CDC34: variants seen among roughly 807,000 people sequenced by gnomAD.
CDC34 encodes the protein cell division cycle 34, ubiquitin conjugating enzyme.
In CDC34, 18 loss-of-function variants were observed where a neutral mutation model predicts 26.8. The observed-to-expected ratio is 0.67, with a 90% CI of 0.47 to 1.00. The LOEUF (loss-of-function observed/expected upper bound fraction) is 1.00, where lower values mean the gene tolerates loss of function less well. Ranked by LOEUF, CDC34 falls within the 50% of genes least tolerant of loss-of-function variation. The pLI is 0.00. For synonymous variants in CDC34, 178 were observed against 147.5 expected, an observed-to-expected ratio of 1.21 and a Z score of -1.50; for missense variants, 280 against 334.5, an observed-to-expected ratio of 0.84 and a Z score of 1.27.
intron 4 of CDC34, chr19:539,058 T>C (rs1979894010): frequency 1.6e-5 from 15 of 959,616 alleles, no homozygotes; most frequent in Non-Finnish European, 1.9e-5. Flanking sequence ...CCAACACACA[T>C]GTGCCATGTG....
Position 539,219 on chromosome 19 carries a change from A to ACCGT in CDC34, c.497+2075_497+2078dup. On this transcript the variant is annotated intron_variant, in intron 4 of 4. Coordinates refer to ENST00000215574, the MANE Select transcript of CDC34 (RefSeq NM_004359.2). ...TGGTCTTGCTGAACAGGACCTCCAG[A>ACCGT]CCGTCCTCCAGCTCATGCTGGCGGT... Among the ~76,000 whole-genome samples, 3 of 152,064 alleles carry ACCGT rather than the reference A, an allele frequency of 2.0e-5. No homozygotes were observed. The South Asian group carries it at 6.2e-4, about 32-fold the overall frequency.
In CDC34 at chr19:541,722, GAA is replaced by G. The variant is rs1980027987; in HGVS notation, c.*171_*172del. 1.5e-6 allele frequency: 1 copy of G among 684,912 alleles called. No individual in the cohort carries two copies. Among genetic ancestry groups the G allele is most frequent in the Admixed American group, 3.7e-5 (1 of 26,836 alleles). The allele number at this position is 684,912 out of a possible 1,614,324, so 42.4% of individuals were successfully genotyped here. ...GTTCTGGGTTTTCACGTGCTTCAGA[GAA>G]GAGGGGCTGCCCCACCGCCACTCAC... is the stretch of plus-strand genomic sequence containing the variant. On this transcript the variant is annotated 3_prime_UTR_variant, in exon 5 of 5. Transcript: ENST00000215574.
At chr19:532,193 G>C in intron 1 of CDC34, 85 bp downstream of exon 1, 1 of 1,161,616 alleles carries the variant, frequency 8.6e-7, no homozygotes, top group Non-Finnish European at 1.2e-6. Flanking sequence ...CGCGGTCCTA[G>C]CGCTGTTGCT....
chr19:537,171 G>C, intron 4 of CDC34, 24 bp downstream of exon 4: 3 of 1,610,874 alleles, frequency 1.9e-6, no homozygotes, highest in Non-Finnish European at 2.5e-6. Context: ...GGGGCGTCAC[G>C]GGAGGAGAGA....
At chr19:535,754 G>A (rs1351720612) in intron 1 of CDC34, 83 bp from the exon 2 acceptor site, 3 of 1,029,036 alleles carry the variant, frequency 2.9e-6, no homozygotes, top group African/African-American at 3.1e-5. Flanking sequence ...AGCACTGGGA[G>A]TGGGATGGCC....
intron 4 of CDC34, among the ~76,000 whole-genome samples, chr19:537,743 C>T (rs975148781): frequency 2.0e-5 from 3 of 148,418 alleles, no homozygotes; most frequent in Non-Finnish European, 3.0e-5. Flanking sequence ...GCAGCCTCCA[C>T]TACTCGGGTT....
chr19:537,060 T>C lies in CDC34; in HGVS notation c.410T>C (p.Phe137Ser), dbSNP rs745378933. 2 of 1,613,886 alleles carry C rather than the reference T, an allele frequency of 1.2e-6. No homozygotes were observed. The highest frequency in any genetic ancestry group is 1.7e-6 in the Non-Finnish European group (2 of 1,180,008). ...VISLLNEPNT[F>S]SPANVDASVM... The stretch of plus-strand genomic sequence containing the variant: ...TCCCTCCTGAACGAGCCCAACACCT[T>C]CTCGCCCGCAAACGTGGACGCCTCC... Residue 137 changes from phenylalanine to serine, a missense_variant, in exon 4 of 5, where the codon TTC becomes TCC. Transcript: ENST00000215574.
intron 1 of CDC34, among the ~76,000 whole-genome samples, chr19:535,047 C>T (rs1003139724): frequency 2.2e-4 from 33 of 152,350 alleles, no homozygotes; most frequent in Middle Eastern, 3.4e-3. Context: ...AGTGAGGCTT[C>T]CTTGTTTACC....
intron 3 of CDC34, 98 bp downstream of exon 3, chr19:536,438 C>A (rs1979756140): frequency 1.1e-6 from 1 of 889,334 alleles, no homozygotes. Context: ...GGCTCCCCCA[C>A]AGGCTGTGGC....
At chr19:536,851 C>T (rs1166946425) in intron 3 of CDC34, 162 bp from the exon 4 acceptor site, 1 of 730,848 alleles carries the variant, frequency 1.4e-6, no homozygotes, top group Non-Finnish European at 2.3e-6. Context: ...GCAGGTCCAG[C>T]CCCTGCTGTT....
At chr19:539,783 C>T (rs1484122330) in intron 4 of CDC34, among the ~76,000 whole-genome samples, 1 of 152,224 alleles carries the variant, frequency 6.6e-6, no homozygotes, top group Non-Finnish European at 1.5e-5. Context: ...CCCCGGAAGC[C>T]CCTTTGCTTC....
chr19:536,475 GCTGGCGGTC>G, intron 3 of CDC34, 135 bp downstream of exon 3: 1 of 680,792 alleles, frequency 1.5e-6, no homozygotes, highest in Non-Finnish European at 2.5e-6. Context: ...GGACCTGCCA[GCTGGCGGTC>G]CTGGGCCTCG....
intron 3 of CDC34, 114 bp downstream of exon 3, chr19:536,454 G>A (rs1979756795): frequency 1.3e-6 from 1 of 783,354 alleles, no homozygotes; most frequent in Non-Finnish European, 2.0e-6. Flanking sequence ...GTGGCGCCAA[G>A]GCCTGATTCG....
At chr19:536,483 T>A in intron 3 of CDC34, 143 bp downstream of exon 3, 1 of 646,774 alleles carries the variant, frequency 1.5e-6, no homozygotes, top group East Asian at 2.7e-5. Context: ...CAGCTGGCGG[T>A]CCTGGGCCTC....
intron 4 of CDC34, among the ~76,000 whole-genome samples, chr19:539,871 C>T (rs17672563): frequency 0.22 from 33,306 of 152,114 alleles, 4,152 homozygotes; most frequent in Non-Finnish European, 0.27. Flanking sequence ...CTGGTGTGCG[C>T]GGTGCAGCCC....
intron 3 of CDC34, 45 bp from the exon 4 acceptor site, chr19:536,968 C>T: frequency 6.2e-7 from 1 of 1,611,548 alleles, no homozygotes; most frequent in Non-Finnish European, 8.5e-7. Context: ...AGCCGGAAGG[C>T]TGGGGTGCCC....
chr19:541,611 G>A lies in CDC34; in HGVS notation c.*59G>A, dbSNP rs925159826. ...CTAGGGCCGGACCCGTGGCTCCTTAGACGACAGACTACCTCACGGAGGTTT... is the reference window on the plus strand; with the variant it reads ...CTAGGGCCGGACCCGTGGCTCCTTAAACGACAGACTACCTCACGGAGGTTT... On this transcript the variant is annotated 3_prime_UTR_variant, in exon 5 of 5. Transcript: ENST00000215574. 1 of 1,495,068 alleles carries A rather than the reference G, an allele frequency of 6.7e-7. No homozygotes were observed. The highest frequency in any genetic ancestry group is 2.4e-5 in the Admixed American group (1 of 42,156). 92.6% of individuals were successfully genotyped at this position (1,495,068 alleles called of 1,614,324 possible).
At chr19:539,266 T>C (rs10402948) in intron 4 of CDC34, among the ~76,000 whole-genome samples, 134,370 of 151,704 alleles carry the variant, frequency 0.89, 59,883 homozygotes, top group East Asian at 1. Flanking sequence ...ACCTCCACGG[T>C]GCAGGTCAGT....
Position 531,904 on chromosome 19 carries a change from T to C in CDC34, c.-28T>C. 5.8e-6 allele frequency: 8 copies of C among 1,377,498 alleles called. No individual in the cohort carries two copies. The highest frequency in any genetic ancestry group is 6.5e-6 in the Non-Finnish European group (7 of 1,070,466). 85.3% of individuals were successfully genotyped at this position (1,377,498 alleles called of 1,614,324 possible). On this transcript the variant is annotated 5_prime_UTR_variant, in exon 1 of 5. Coordinates refer to ENST00000215574, the MANE Select transcript of CDC34 (RefSeq NM_004359.2). ...CGGTGGTCGCGCGGCCCCGCGCTGC[T>C]CCGACCCCGGGCCCCTCCGCCGCCG...
Sources: gnomAD v4.1 joint callset for allele counts (sites outside exome capture counted in the v4.1 genomes callset) on GRCh38, gnomAD v4.1.1 for gene constraint, MANE v1.5 for transcripts, NCBI Gene and HGNC (gene_info 2026-07-23, HGNC 2026-07-21) for gene names.